The following CD274 variants were observed in gnomAD, a reference collection of about 807,000 sequenced individuals.
The protein encoded by CD274 is programmed cell death 1 ligand 1.
In CD274, 8 loss-of-function variants were observed where a neutral mutation model predicts 30.1. That is an observed-to-expected ratio of 0.27 (90% CI 0.16 to 0.48). The LOEUF (loss-of-function observed/expected upper bound fraction) is 0.48. Among genes scored for constraint, CD274 ranks in the 20% least tolerant of loss-of-function variants. The pLI is 0.99. For missense variants in CD274, 353 were observed against 346.6 expected, an observed-to-expected ratio of 1.02 and a Z score of -0.15; for synonymous variants, 152 against 124.6, an observed-to-expected ratio of 1.22 and a Z score of -1.46.
At chr9:5,463,279 A>C (rs1819440152) in intron 4 of CD274, 158 bp downstream of exon 4, 3 of 627,920 alleles carry the variant, frequency 4.8e-6, no homozygotes, top group Non-Finnish European at 5.6e-6. Context: ...ACCTCCATTC[A>C]TCCAAACCAT....
rs946160297 is a variant in CD274, at chr9:5,468,308, A to G, written c.*446A>G. On this transcript the variant is annotated 3_prime_UTR_variant, in exon 7 of 7. Coordinates refer to ENST00000381577, the MANE Select transcript of CD274 (RefSeq NM_014143.4). ...TGTTGGAACGGGACAGTATTTATGT[A>G]TGAGTTTTTCCTATTTATTTTGAGT... is the stretch of plus-strand genomic sequence containing the variant. 7.9e-5 allele frequency: 19 copies of G among 242,038 alleles called. No homozygotes were observed. In the East Asian group the frequency reaches 1.1e-3, roughly 14 times the overall value. The allele number at this position is 242,038 out of a possible 1,614,324, so 15.0% of individuals were successfully genotyped here.
intron 3 of CD274, 96 bp from the exon 4 acceptor site, chr9:5,462,738 C>A: frequency 8.7e-7 from 1 of 1,154,442 alleles, no homozygotes; most frequent in Non-Finnish European, 1.2e-6. Flanking sequence ...TGAGAACCAG[C>A]CTGCATTGAT....
At chr9:5,454,399 AAC>A (rs1027554485) in intron 1 of CD274, among the ~76,000 whole-genome samples, 2 of 151,988 alleles carry the variant, frequency 1.3e-5, no homozygotes, top group Non-Finnish European at 1.5e-5. Flanking sequence ...CCTGTGTCTA[AAC>A]ACACACACAC....
rs1819572026 is a variant in CD274, at chr9:5,470,501, T to C, written c.*2639T>C. Reference sequence around the variant, plus strand: ...TATTTTGTTACTTGGTACACCAGCATGTCCATTTTCTTGTTTATTTTGTGT... The same window carrying C: ...TATTTTGTTACTTGGTACACCAGCACGTCCATTTTCTTGTTTATTTTGTGT... On this transcript the variant is annotated 3_prime_UTR_variant, in exon 7 of 7. Transcript: ENST00000381577. 4.7e-6 allele frequency: 1 copy of C among 212,874 alleles called. No homozygotes were observed. Among genetic ancestry groups the C allele is most frequent in the South Asian group, 1.9e-4 (1 of 5,370 alleles). The allele number at this position is 212,874 out of a possible 1,614,324, so 13.2% of individuals were successfully genotyped here. A position where few individuals can be genotyped will look rare whatever the true frequency, so the allele number is the denominator to read the frequency against.
rs1326970208 is a variant in CD274, at chr9:5,470,378, C to T, written c.*2516C>T. The T allele has an allele frequency of 1.7e-5, 4 of 232,022 alleles. No homozygotes were observed. Among genetic ancestry groups the T allele is most frequent in the Non-Finnish European group, 3.4e-5 (4 of 117,376 alleles). 14.4% of individuals were successfully genotyped at this position (232,022 alleles called of 1,614,324 possible). On this transcript the variant is annotated 3_prime_UTR_variant, in exon 7 of 7. Coordinates refer to ENST00000381577, the MANE Select transcript of CD274 (RefSeq NM_014143.4). ...GTAAGGCACTTTATCCCTTTTGTCT[C>T]ATGTTTCATCGTAAATGGCATAGGC...
intron 2 of CD274, 63 bp from the exon 3 acceptor site, chr9:5,457,016 C>A: frequency 8.7e-7 from 1 of 1,150,570 alleles, no homozygotes; most frequent in Non-Finnish European, 1.3e-6. Context: ...AAACGCTGTG[C>A]CAATTTTGTA....
intron 1 of CD274, among the ~76,000 whole-genome samples, chr9:5,452,104 C>A (rs893918081): frequency 6.7e-6 from 1 of 148,244 alleles, no homozygotes; most frequent in African/African-American, 2.5e-5. Context: ...CAGCTCACTG[C>A]CTCCCGGGTT....
At chr9:5,450,951 C>T (rs1819192129) in intron 1 of CD274, among the ~76,000 whole-genome samples, 1 of 152,168 alleles carries the variant, frequency 6.6e-6, no homozygotes, top group African/African-American at 2.4e-5. Context: ...CCAAGTCCAC[C>T]GCCAGCTGCT....
intron 5 of CD274, chr9:5,465,836 A>G (rs1819489800): frequency 1.9e-5 from 6 of 309,040 alleles, no homozygotes; most frequent in Admixed American, 1.0e-4. Context: ...AGTGTCATAC[A>G]GTTTTTTTCT....
At chr9:5,456,291 A>G (rs1286774769) in intron 2 of CD274, 126 bp downstream of exon 2, 10 of 617,172 alleles carry the variant, frequency 1.6e-5, no homozygotes, top group Admixed American at 3.3e-5. Flanking sequence ...TCTTTCTTCT[A>G]CTTTACACAA....
At chr9:5,463,791 G>C (rs1488624069) in intron 4 of CD274, among the ~76,000 whole-genome samples, 6 of 151,990 alleles carry the variant, frequency 3.9e-5, no homozygotes, top group Non-Finnish European at 7.4e-5. Context: ...TTATTGTAAG[G>C]GTCAGATTAG....
Position 5,468,486 on chromosome 9 carries a change from G to T in CD274, c.*624G>T, listed in dbSNP as rs1282192679. The T allele has an allele frequency of 4.3e-6, 1 of 232,952 alleles. No homozygotes were observed. 14.4% of individuals were successfully genotyped at this position (232,952 alleles called of 1,614,324 possible). A position where few individuals can be genotyped will look rare whatever the true frequency, so the allele number is the denominator to read the frequency against. On this transcript the variant is annotated 3_prime_UTR_variant, in exon 7 of 7. Coordinates refer to ENST00000381577, the MANE Select transcript of CD274 (RefSeq NM_014143.4). ...ACATGGAGTATTTGTAAGGTGCTTG[G>T]TCTCCTCTATAACTACAAGTATACA...
intron 3 of CD274, among the ~76,000 whole-genome samples, chr9:5,459,103 T>C (rs1411263): frequency 0.2 from 30,820 of 152,162 alleles, 3,561 homozygotes; most frequent in East Asian, 0.32. Flanking sequence ...ATAATATCCC[T>C]TGTGTATCTG....
Position 5,469,826 on chromosome 9 carries a change from A to T in CD274, c.*1964A>T, listed in dbSNP as rs189764996. ...CTGAGTCAATCTAGTCCTAAAAAGC[A>T]ATCTTATTATTAACTCTGTATGACA... On this transcript the variant is annotated 3_prime_UTR_variant, in exon 7 of 7. Coordinates refer to ENST00000381577, the MANE Select transcript of CD274 (RefSeq NM_014143.4). The T allele has an allele frequency of 2.6e-5, 6 of 233,074 alleles. No homozygotes were observed. The highest frequency in any genetic ancestry group is 1.3e-4 in the African/African-American group (6 of 45,460). 14.4% of individuals were successfully genotyped at this position (233,074 alleles called of 1,614,324 possible).
chr9:5,454,049 A>T (rs1819255194), intron 1 of CD274, among the ~76,000 whole-genome samples: 1 of 152,228 alleles, frequency 6.6e-6, no homozygotes, highest in Non-Finnish European at 1.5e-5. Context: ...AAAAAAACAT[A>T]AAAAATAAAC....
intron 4 of CD274, chr9:5,463,349 T>TG (rs1426042777): frequency 3.7e-5 from 20 of 534,356 alleles, no homozygotes; most frequent in African/African-American, 3.6e-4. Context: ...TTCCATGCAT[T>TG]GTAGTACTCA....
intron 4 of CD274, chr9:5,463,388 G>T: frequency 2.3e-6 from 1 of 441,358 alleles, no homozygotes; most frequent in Non-Finnish European, 4.1e-6. Context: ...ATAAGACTCA[G>T]TTCACACTCT....
At chr9:5,461,726 T>C (rs1586766218) in intron 3 of CD274, among the ~76,000 whole-genome samples, 1 of 152,148 alleles carries the variant, frequency 6.6e-6, no homozygotes, top group Admixed American at 6.6e-5. Context: ...TTATGCTATA[T>C]AGGTGCACTA....
At chr9:5,461,118 G>A (rs1453475991) in intron 3 of CD274, among the ~76,000 whole-genome samples, 1 of 152,084 alleles carries the variant, frequency 6.6e-6, no homozygotes. Context: ...ATTAACAAAG[G>A]TGGATGGTGT....
Sources: gnomAD v4.1 joint callset for allele counts (sites outside exome capture counted in the v4.1 genomes callset) on GRCh38, gnomAD v4.1.1 for gene constraint, MANE v1.5 for transcripts, NCBI Gene and HGNC (gene_info 2026-07-23, HGNC 2026-07-21) for gene names.